FGF13: variants seen among roughly 807,000 people sequenced by gnomAD.
FGF13 encodes the protein fibroblast growth factor 13.
A neutral mutation model predicts 19.5 loss-of-function variants in FGF13; 2 were observed. That is an observed-to-expected ratio of 0.10 (90% CI 0.04 to 0.32). FGF13 has a LOEUF of 0.32. FGF13 is among the 10% of genes least tolerant of loss of function. The pLI is 1.00. For missense variants in FGF13, 113 were observed against 192.7 expected (o/e 0.59, Z 2.45); for synonymous variants, 72 against 76.9 (o/e 0.94, Z 0.33).
At chrX:138,688,347 A>G (rs951879693) in intron 3 of FGF13, among the ~76,000 whole-genome samples, 1 of 110,791 alleles carries the variant, frequency 9.0e-6, no homozygotes, top group Non-Finnish European at 1.9e-5. Context: ...GAATGCAGCA[A>G]AGTTGGTTCA....
Position 139,163,628 on chromosome X carries a change from T to A in FGF13, c.-113+39788A>T, listed in dbSNP as rs1386841156. Among the ~76,000 whole-genome samples, 123 of 110,984 alleles carry A rather than the reference T, an allele frequency of 1.1e-3. 4 individuals carry two copies. The highest frequency in any genetic ancestry group is 1.3e-4 in the Non-Finnish European group (7 of 52,974). On this transcript the variant is annotated intron_variant, in intron 1 of 2. Coordinates refer to the FGF13 transcript ENST00000421460. ...GGAGTCCTGGTCACATTGTTGGAGGTCATTCAGCTTTGAAGCCAGGTCTAC... is the reference window on the plus strand; with the variant it reads ...GGAGTCCTGGTCACATTGTTGGAGGACATTCAGCTTTGAAGCCAGGTCTAC...
intron 1 of FGF13, among the ~76,000 whole-genome samples, chrX:138,986,118 A>T (rs2091993774): frequency 8.9e-6 from 1 of 112,126 alleles, no homozygotes; most frequent in Non-Finnish European, 1.9e-5. Context: ...AAGTTAACAA[A>T]GCCAACTAAG....
intron 1 of FGF13, among the ~76,000 whole-genome samples, chrX:138,945,630 T>A (rs1300779159): frequency 9.0e-6 from 1 of 111,576 alleles, no homozygotes; most frequent in Non-Finnish European, 1.9e-5. Flanking sequence ...TTGGTGAGTA[T>A]GTGTTCAATT....
chrX:139,038,752 C>T (rs1272853651), intron 1 of FGF13, among the ~76,000 whole-genome samples: 3 of 111,681 alleles, frequency 2.7e-5, no homozygotes, highest in Non-Finnish European at 5.7e-5. Context: ...CTGCTTATTT[C>T]CCTCATAAAA....
At chrX:139,004,705 AC>A (rs1281070117) in intron 1 of FGF13, among the ~76,000 whole-genome samples, 1 of 111,965 alleles carries the variant, frequency 8.9e-6, no homozygotes, top group Non-Finnish European at 1.9e-5. Flanking sequence ...GGAGCCCACT[AC>A]CATGAAGGGT....
chrX:139,141,138 G>T lies in FGF13; in HGVS notation c.-113+62278C>A, dbSNP rs191591502. Reference sequence around the variant, plus strand: ...ACACACACACACACACACACAATTGGCACCCTTTCCCCAAGGGCACACTCT... The same window carrying T: ...ACACACACACACACACACACAATTGTCACCCTTTCCCCAAGGGCACACTCT... On this transcript the variant is annotated intron_variant, in intron 1 of 2. Transcript: ENST00000421460. Among the ~76,000 whole-genome samples, 37 of 100,955 alleles carry T rather than the reference G, an allele frequency of 3.7e-4. No homozygotes were observed. The East Asian group carries it at 9.1e-3, about 25-fold the overall frequency. The allele number at this position is 100,955 out of a possible 115,157, so 87.7% of individuals were successfully genotyped here.
At chrX:139,031,306 C>T (rs944987755) in intron 1 of FGF13, among the ~76,000 whole-genome samples, 1 of 111,524 alleles carries the variant, frequency 9.0e-6, no homozygotes, top group Non-Finnish European at 1.9e-5. Context: ...GATTATTTGA[C>T]AAAACAAAGC....
At chrX:139,102,298 C>A (rs1164432737) in intron 1 of FGF13, among the ~76,000 whole-genome samples, 1 of 111,222 alleles carries the variant, frequency 9.0e-6, no homozygotes, top group African/African-American at 3.3e-5. Flanking sequence ...CTTGTACGAA[C>A]CTTAATTTCC....
At chrX:138,989,932 A>G (rs913340569) in intron 1 of FGF13, among the ~76,000 whole-genome samples, 4 of 111,509 alleles carry the variant, frequency 3.6e-5, no homozygotes, top group Non-Finnish European at 7.5e-5. Context: ...AAGCTATAAT[A>G]TCCACTGCCT....
intron 1 of FGF13, among the ~76,000 whole-genome samples, chrX:139,172,495 C>T (rs2084141909): frequency 1.8e-5 from 2 of 111,735 alleles, no homozygotes; most frequent in Admixed American, 1.9e-4. Flanking sequence ...CCAGCTTCCA[C>T]TTTCCTAGCT....
intron 1 of FGF13, among the ~76,000 whole-genome samples, chrX:139,059,948 G>A (rs62602243): frequency 0.16 from 18,132 of 111,265 alleles, 1,305 homozygotes; most frequent in African/African-American, 0.28. Flanking sequence ...ACTTTGCTAG[G>A]TGTTGCCACA....
chrX:138,852,789 T>C (rs1344746277), downstream of FGF13, among the ~76,000 whole-genome samples: 5 of 111,138 alleles, frequency 4.5e-5, no homozygotes. Context: ...TGGGAGAAAA[T>C]GTTTGCAATC....
chrX:139,099,389 A>G (rs2124455867), intron 1 of FGF13, among the ~76,000 whole-genome samples: 1 of 108,453 alleles, frequency 9.2e-6, no homozygotes, highest in South Asian at 4.1e-4. Context: ...AAAAAAAAAA[A>G]AAAAAAAAAG....
chrX:139,050,836 A>G (rs750020968), intron 1 of FGF13, among the ~76,000 whole-genome samples: 1 of 112,340 alleles, frequency 8.9e-6, no homozygotes, highest in East Asian at 2.8e-4. Context: ...CAAATAAATC[A>G]GCCTTTACTA....
At chrX:138,683,413 T>TCA (rs1396335851) in intron 3 of FGF13, among the ~76,000 whole-genome samples, 135 of 108,140 alleles carry the variant, frequency 1.2e-3, no homozygotes, top group African/African-American at 4.4e-3. Flanking sequence ...TCTCTCTCTC[T>TCA]CTCACACACA....
intron 1 of FGF13, among the ~76,000 whole-genome samples, chrX:139,178,219 T>C (rs2084208255): frequency 8.9e-6 from 1 of 112,261 alleles, no homozygotes; most frequent in South Asian, 3.7e-4. Flanking sequence ...TCAATGGAAA[T>C]TACTTCTAGA....
intron 1 of FGF13, among the ~76,000 whole-genome samples, chrX:139,197,308 C>T (rs193224050): frequency 3.9e-3 from 434 of 112,698 alleles, no homozygotes; most frequent in Non-Finnish European, 6.3e-3. Flanking sequence ...AGCTACTGTA[C>T]TTCATTTGGC....
chrX:139,020,618 T>A (rs1030659771), intron 1 of FGF13, among the ~76,000 whole-genome samples: 3 of 111,625 alleles, frequency 2.7e-5, no homozygotes, highest in Non-Finnish European at 3.8e-5. Context: ...TCAGCTTAAA[T>A]TCCACCTTTG....
intron 1 of FGF13, among the ~76,000 whole-genome samples, chrX:138,913,937 A>G (rs1305581679): frequency 9.1e-6 from 1 of 110,105 alleles, no homozygotes; most frequent in Admixed American, 9.7e-5. Flanking sequence ...TTCTGTTAGT[A>G]TTCTTTGTAC....
Sources: gnomAD v4.1 joint callset for allele counts (sites outside exome capture counted in the v4.1 genomes callset) on GRCh38, gnomAD v4.1.1 for gene constraint, MANE v1.5 for transcripts, NCBI Gene and HGNC (gene_info 2026-07-23, HGNC 2026-07-21) for gene names.